LRRC63: variants seen among roughly 807,000 people sequenced by gnomAD.
LRRC63 encodes the protein leucine-rich repeat-containing protein 63.
In LRRC63, 40 loss-of-function variants were observed where a neutral mutation model predicts 49.5. That is an observed-to-expected ratio of 0.81 (90% CI 0.63 to 1.05). The LOEUF (loss-of-function observed/expected upper bound fraction) is 1.05. LRRC63 is among the 50% of genes least tolerant of loss of function. The pLI is 0.00. For missense variants in LRRC63, 636 were observed against 663.1 expected, an observed-to-expected ratio of 0.96 and a Z score of 0.45; for synonymous variants, 191 against 221.1, an observed-to-expected ratio of 0.86 and a Z score of 1.21.
At chr13:46,227,613 C>G in exon 3 of LRRC63, 1 of 1,549,258 alleles carries the variant, frequency 6.5e-7, no homozygotes, top group South Asian at 1.2e-5. Flanking sequence ...TTTAAGAAAT[C>G]AATCACTAAC....
chr13:46,219,088 CT>C (rs1301877797), intron 2 of LRRC63, among the ~76,000 whole-genome samples: 1 of 152,092 alleles, frequency 6.6e-6, no homozygotes, highest in Non-Finnish European at 1.5e-5. Context: ...CTTGGGGTTG[CT>C]CTTCTCGAGG....
chr13:46,266,817 GT>G lies in LRRC63; in HGVS notation c.1398del (p.Phe466LeufsTer16). ...TGAAGCTTAACCTGACAAAAATTCAGTTTGAGAATAATTTCACTCATCCTTG... is the reference window on the plus strand; with the variant it reads ...TGAAGCTTAACCTGACAAAAATTCAGTTGAGAATAATTTCACTCATCCTTG... On this transcript the variant is annotated frameshift_variant, in exon 9 of 10. Coordinates refer to ENST00000595396, the Ensembl canonical transcript of LRRC63. LOFTEE classifies it high-confidence loss of function. 2 of 1,550,160 alleles carry G rather than the reference GT, an allele frequency of 1.3e-6. No homozygotes were observed. The highest frequency in any genetic ancestry group is 1.7e-6 in the Non-Finnish European group (2 of 1,146,776).
At chr13:46,225,096 G>A (rs114751845) in intron 2 of LRRC63, among the ~76,000 whole-genome samples, 3,234 of 152,280 alleles carry the variant, frequency 0.021, 124 homozygotes, top group African/African-American at 0.073. Context: ...ACGTCGCTGG[G>A]AAACAATTGT....
chr13:46,240,652 ATG>A (rs2047035857), intron 5 of LRRC63, among the ~76,000 whole-genome samples: 2 of 152,342 alleles, frequency 1.3e-5, no homozygotes, highest in Middle Eastern at 3.4e-3. Context: ...TACAAAATCA[ATG>A]TGCCAAAATC....
At chr13:46,262,141 A>T in intron 8 of LRRC63, 149 bp downstream of exon 8, 1 of 347,122 alleles carries the variant, frequency 2.9e-6, no homozygotes, top group Non-Finnish European at 5.2e-6. Flanking sequence ...AATTTGAATG[A>T]TTGGTGTACA....
intron 7 of LRRC63, among the ~76,000 whole-genome samples, chr13:46,253,760 C>T (rs1381890906): frequency 6.6e-6 from 1 of 152,054 alleles, no homozygotes; most frequent in East Asian, 1.9e-4. Flanking sequence ...TTAAAGTGCA[C>T]TGAGAAGCCA....
chr13:46,255,435 G>A (rs774026099), intron 7 of LRRC63, among the ~76,000 whole-genome samples: 1 of 151,934 alleles, frequency 6.6e-6, no homozygotes, highest in Non-Finnish European at 1.5e-5. Flanking sequence ...CAGATTTTAT[G>A]TTATCTATAT....
intron 5 of LRRC63, among the ~76,000 whole-genome samples, chr13:46,245,165 T>G (rs559026428): frequency 1.3e-5 from 2 of 152,300 alleles, no homozygotes; most frequent in South Asian, 4.1e-4. Context: ...AATCTAAATG[T>G]GTATAGATAT....
chr13:46,258,556 T>C (rs1241272105), intron 7 of LRRC63, among the ~76,000 whole-genome samples: 1 of 149,568 alleles, frequency 6.7e-6, no homozygotes, highest in Non-Finnish European at 1.5e-5. Flanking sequence ...ACGCCTGTAA[T>C]CCCAGCACTT....
chr13:46,224,970 G>A (rs1204413048), intron 2 of LRRC63, among the ~76,000 whole-genome samples: 2 of 152,252 alleles, frequency 1.3e-5, no homozygotes, highest in Non-Finnish European at 2.9e-5. Flanking sequence ...GTGCCCCAGA[G>A]TGGTGTATGC....
At chr13:46,269,906 C>CATATATAT (rs149054055) in intron 9 of LRRC63, among the ~76,000 whole-genome samples, 136 of 145,610 alleles carry the variant, frequency 9.3e-4, no homozygotes, top group African/African-American at 2.7e-3. Context: ...ACACTATATA[C>CATATATAT]ATATATATAT....
intron 5 of LRRC63, among the ~76,000 whole-genome samples, chr13:46,236,999 G>A (rs1434363236): frequency 6.6e-6 from 1 of 152,046 alleles, no homozygotes; most frequent in Non-Finnish European, 1.5e-5. Flanking sequence ...TGTAAATTTA[G>A]GATGCCAAGT....
intron 7 of LRRC63, among the ~76,000 whole-genome samples, chr13:46,251,285 C>T (rs1413336008): frequency 6.6e-6 from 1 of 151,748 alleles, no homozygotes; most frequent in Non-Finnish European, 1.5e-5. Context: ...CATTCATAAA[C>T]ATTCAGTTAT....
chr13:46,212,024 C>T (rs1394679203), exon 1 of LRRC63: 1 of 152,418 alleles, frequency 6.6e-6, no homozygotes, highest in East Asian at 1.9e-4. Context: ...GGAACAGCCT[C>T]CTGCAGGAAG....
At chr13:46,269,212 G>GAAA (rs10674085) in intron 9 of LRRC63, among the ~76,000 whole-genome samples, 12 of 143,220 alleles carry the variant, frequency 8.4e-5, no homozygotes, top group African/African-American at 1.6e-4. Flanking sequence ...AAATAAATCT[G>GAAA]AAAAAAAAAA....
intron 5 of LRRC63, 41 bp downstream of exon 5, chr13:46,234,390 T>C: frequency 1.3e-6 from 2 of 1,519,664 alleles, no homozygotes; most frequent in Non-Finnish European, 1.8e-6. Context: ...TCCTGTATTA[T>C]CAATTATTTT....
intron 4 of LRRC63, among the ~76,000 whole-genome samples, chr13:46,230,194 A>C (rs1475678786): frequency 6.6e-6 from 1 of 152,136 alleles, no homozygotes; most frequent in African/African-American, 2.4e-5. Context: ...TTCTTCTCGC[A>C]TTGCAAAATA....
chr13:46,272,419 G>A (rs920707502), intron 9 of LRRC63, among the ~76,000 whole-genome samples: 3 of 152,120 alleles, frequency 2.0e-5, no homozygotes, highest in African/African-American at 4.8e-5. Context: ...TCAAGAAACT[G>A]CAATGTAAAA....
rs142798828 is a variant in LRRC63 at position 46,255,645 on chromosome 13, A to AATATATATATATATATATATATAT, written c.1226+5175_1226+5176insTATATATATATATATATATATATA. On this transcript the variant is annotated intron_variant, in intron 7 of 9. Transcript: ENST00000595396. ...GGCAACAGAGTAAGACCCTGCCTCA[A>AATATATATATATATATATATATAT]ATATATATATATATATATATAGTTA... Among the ~76,000 whole-genome samples, 150 of 129,400 alleles carry AATATATATATATATATATATATAT rather than the reference A, an allele frequency of 1.2e-3. 3 individuals are homozygous for AATATATATATATATATATATATAT. Among genetic ancestry groups the AATATATATATATATATATATATAT allele is most frequent in the Middle Eastern group, 4.6e-3 (1 of 216 alleles). 84.9% of individuals were successfully genotyped at this position (129,400 alleles called of 152,430 possible).
Sources: gnomAD v4.1 joint callset for allele counts (sites outside exome capture counted in the v4.1 genomes callset) on GRCh38, gnomAD v4.1.1 for gene constraint, MANE v1.5 for transcripts, NCBI Gene and HGNC (gene_info 2026-07-23, HGNC 2026-07-21) for gene names.